Variants in ATXN10 observed in about 807,000 individuals in gnomAD.
ATXN10 encodes ataxin-10.
A neutral mutation model predicts 52.9 loss-of-function variants in ATXN10; 28 were observed. The ratio of observed to expected loss-of-function variants is 0.53; its 90% CI spans 0.39 to 0.73. ATXN10 has a LOEUF of 0.73. Among genes scored for constraint, ATXN10 ranks in the 30% least tolerant of loss-of-function variants. The pLI is 0.00. For synonymous variants in ATXN10, 226 were observed against 221.5 expected (o/e 1.02, Z -0.18); for missense variants, 565 against 577.0 (o/e 0.98, Z 0.21).
At chr22:45,686,660 T>G (rs994861634) in intron 1 of ATXN10, among the ~76,000 whole-genome samples, 12 of 151,704 alleles carry the variant, frequency 7.9e-5, no homozygotes, top group African/African-American at 2.9e-4. Context: ...TCTACTAAAA[T>G]ACAAAAAAAT....
chr22:45,799,029 C>G (rs9614782), intron 9 of ATXN10, among the ~76,000 whole-genome samples: 11 of 151,622 alleles, frequency 7.3e-5, no homozygotes, highest in African/African-American at 2.2e-4. Context: ...AAGTTGACCT[C>G]TATAGAGTGA....
chr22:45,739,995 G>C (rs1018643514), intron 8 of ATXN10, among the ~76,000 whole-genome samples: 6 of 152,178 alleles, frequency 3.9e-5, no homozygotes, highest in African/African-American at 1.2e-4. Context: ...TTGTGTTTTA[G>C]ACTTCATTGA....
chr22:45,777,172 G>T (rs1293626162), intron 9 of ATXN10, among the ~76,000 whole-genome samples: 1 of 152,138 alleles, frequency 6.6e-6, no homozygotes, highest in African/African-American at 2.4e-5. Context: ...TCAGCCTTAG[G>T]GAGAGGTTTG....
chr22:45,721,000 A>G (rs1482956313), intron 6 of ATXN10, among the ~76,000 whole-genome samples: 1 of 152,172 alleles, frequency 6.6e-6, no homozygotes, highest in Non-Finnish European at 1.5e-5. Context: ...GGTAATAACC[A>G]TGTGTTGTTA....
rs1265020229 is a variant in ATXN10, at chr22:45,816,188, G to C, written c.1237+9166G>C. Among the ~76,000 whole-genome samples the C allele has an allele frequency of 6.6e-6, 1 of 152,232 alleles. No individual in the cohort carries two copies. Among genetic ancestry groups the C allele is most frequent in the African/African-American group, 2.4e-5 (1 of 41,466 alleles). On this transcript the variant is annotated intron_variant, in intron 10 of 11. Transcript: ENST00000252934. The surrounding 1 kb of genome is among the most constrained non-coding windows in gnomAD (Gnocchi z 5.8). ...GAATCGCTTGAACCTGCAAGGCGCAGGTTGTAGTGAGCTGAGATTGTGTCA... is the reference window on the plus strand; with the variant it reads ...GAATCGCTTGAACCTGCAAGGCGCACGTTGTAGTGAGCTGAGATTGTGTCA...
chr22:45,817,174 C>T (rs191868901), intron 10 of ATXN10, among the ~76,000 whole-genome samples: 4 of 152,144 alleles, frequency 2.6e-5, no homozygotes, highest in African/African-American at 9.7e-5. Flanking sequence ...TCTGGAGGGG[C>T]GGCCTCTCTT....
At chr22:45,675,210 A>G (rs1922635115) in intron 1 of ATXN10, 1 of 152,212 alleles carries the variant, frequency 6.6e-6, no homozygotes, top group Admixed American at 6.5e-5. Flanking sequence ...TTTCAGGAAG[A>G]CAGTTCTAAT....
At chr22:45,675,133 G>A (rs553317214) in intron 1 of ATXN10, 1 of 152,302 alleles carries the variant, frequency 6.6e-6, no homozygotes, top group Admixed American at 6.5e-5. Flanking sequence ...ATATAACAAG[G>A]TTGTAAGTGA....
rs116063040 is a variant in ATXN10 at position 45,696,906 on chromosome 22, G to A, written c.392-3376G>A. On this transcript the variant is annotated intron_variant, in intron 3 of 11. Transcript: ENST00000252934. The surrounding 1 kb of genome is among the most constrained non-coding windows in gnomAD (Gnocchi z 4.7). ...GAGTAAATTGGTTATTTGGTTGTTA[G>A]CTTGGCTATTCACTCATATTCACTA... is the stretch of plus-strand genomic sequence containing the variant. Among the ~76,000 whole-genome samples the A allele has an allele frequency of 5.0e-3, 755 of 152,270 alleles. 10 individuals are homozygous for A. Among genetic ancestry groups the A allele is most frequent in the African/African-American group, 0.017 (726 of 41,552 alleles).
chr22:45,755,699 A>G (rs1926149153), intron 9 of ATXN10, among the ~76,000 whole-genome samples: 2 of 152,228 alleles, frequency 1.3e-5, no homozygotes, highest in African/African-American at 4.8e-5. Context: ...AGACCCTGAA[A>G]AAGTAAACTG....
chr22:45,751,761 AAAAATAAT>A (rs1925974340), intron 9 of ATXN10, among the ~76,000 whole-genome samples: 365 of 57,412 alleles, frequency 6.4e-3, no homozygotes, highest in African/African-American at 0.027. Flanking sequence ...AAAATAAAAA[AAAAATAAT>A]AATAATAATA....
intron 9 of ATXN10, among the ~76,000 whole-genome samples, chr22:45,777,303 A>C (rs1338712111): frequency 6.6e-6 from 1 of 152,122 alleles, no homozygotes; most frequent in East Asian, 1.9e-4. Flanking sequence ...GGGTGTTTAA[A>C]CCTTTGTGAA....
At position 45,744,099 on chromosome 22, in the gene ATXN10, C is replaced by T. The variant is rs1168201170; in HGVS notation, c.1173+3561C>T. On this transcript the variant is annotated intron_variant, in intron 9 of 11. Transcript: ENST00000252934. The surrounding 1 kb of genome is among the most constrained non-coding windows in gnomAD (Gnocchi z 4.9). ...TTCTGATTCACCCATTCATCAAATACGAATGTTTGCTGGCTTGGGGATCCT... is the reference window on the plus strand; with the variant it reads ...TTCTGATTCACCCATTCATCAAATATGAATGTTTGCTGGCTTGGGGATCCT... 2.0e-5 allele frequency among the ~76,000 whole-genome samples: 3 copies of T among 152,134 alleles called. No homozygotes were observed. Among genetic ancestry groups the T allele is most frequent in the Admixed American group, 1.3e-4 (2 of 15,272 alleles).
chr22:45,719,081 T>A (rs1924554381), intron 6 of ATXN10, among the ~76,000 whole-genome samples: 2 of 151,666 alleles, frequency 1.3e-5, no homozygotes, highest in African/African-American at 4.8e-5. Flanking sequence ...ACCTCTATGG[T>A]AAGGTACAAG....
At chr22:45,785,886 A>G (rs1001572941) in intron 9 of ATXN10, among the ~76,000 whole-genome samples, 3 of 152,236 alleles carry the variant, frequency 2.0e-5, no homozygotes, top group Admixed American at 2.0e-4. Context: ...ATTCCAAATC[A>G]GTTGAAAATA....
At chr22:45,811,245 G>A (rs1928269269) in intron 10 of ATXN10, among the ~76,000 whole-genome samples, 1 of 152,084 alleles carries the variant, frequency 6.6e-6, no homozygotes, top group African/African-American at 2.4e-5. Flanking sequence ...TCATTATGAA[G>A]TGACCCTCTT....
At chr22:45,700,146 T>G in intron 3 of ATXN10, 136 bp from the exon 4 acceptor site, 1 of 679,638 alleles carries the variant, frequency 1.5e-6, no homozygotes. Flanking sequence ...AGTGAACTTG[T>G]GGAGACAGAC....
At chr22:45,751,752 A>AT (rs1343954008) in intron 9 of ATXN10, among the ~76,000 whole-genome samples, 10 of 95,910 alleles carry the variant, frequency 1.0e-4, no homozygotes, top group East Asian at 9.6e-4. Context: ...AAAAAAAAAA[A>AT]AATAAAAAAA....
chr22:45,797,332 A>G (rs571209478), intron 9 of ATXN10, among the ~76,000 whole-genome samples: 1 of 152,374 alleles, frequency 6.6e-6, no homozygotes, highest in East Asian at 1.9e-4. Context: ...ACAGTGCTCA[A>G]TAAATGTAGA....
Sources: allele counts gnomAD v4.1 joint callset (sites outside exome capture counted in the v4.1 genomes callset), GRCh38; gene constraint gnomAD v4.1.1; non-coding constraint Gnocchi (gnomAD v3.1); transcripts MANE v1.5; gene names NCBI Gene and HGNC (gene_info 2026-07-23, HGNC 2026-07-21).